RHBDL1: variants seen among roughly 807,000 people sequenced by gnomAD.
RHBDL1 encodes the protein rhomboid like 1.
Under a neutral mutation model 34.0 loss-of-function variants are expected in RHBDL1, and 21 were observed. The observed-to-expected ratio is 0.62, with a 90% CI of 0.44 to 0.89. RHBDL1 has a LOEUF of 0.89. Among genes scored for constraint, RHBDL1 ranks in the 40% least tolerant of loss-of-function variants. The pLI is 0.00. For missense variants in RHBDL1, 450 were observed against 530.6 expected (o/e 0.85, Z 1.49); for synonymous variants, 268 against 234.8 (o/e 1.14, Z -1.29).
chr16:677,240 C>T, intron 4 of RHBDL1, 36 bp from the exon 5 acceptor site: 2 of 1,554,432 alleles, frequency 1.3e-6, no homozygotes, highest in South Asian at 1.2e-5. Context: ...GATGGCTGAC[C>T]CCACCCTTCG....
chr16:676,198 A>G lies in RHBDL1; in HGVS notation c.40-138A>G. ...AGCTCCTGGGATCAAGCAGGGTCCCAGGGAACAGACAGGCACGGGGCCCCT... is the reference window on the plus strand; with the variant it reads ...AGCTCCTGGGATCAAGCAGGGTCCCGGGGAACAGACAGGCACGGGGCCCCT... On this transcript the variant is annotated intron_variant, in intron 1 of 7. Coordinates refer to ENST00000352681, the MANE Select transcript of RHBDL1 (RefSeq NM_001278720.2). This position sits in a 1 kb window ranked among gnomAD's most constrained non-coding sequence, Gnocchi z 6.9. 2 of 1,524,972 alleles carry G rather than the reference A, an allele frequency of 1.3e-6. No homozygotes were observed. The highest frequency in any genetic ancestry group is 1.8e-6 in the Non-Finnish European group (2 of 1,132,920). 94.5% of individuals were successfully genotyped at this position (1,524,972 alleles called of 1,614,324 possible).
At position 676,154 on chromosome 16, in the gene RHBDL1, C is replaced by A; in HGVS notation, c.40-182C>A. On this transcript the variant is annotated intron_variant, in intron 1 of 7. Coordinates refer to ENST00000352681, the MANE Select transcript of RHBDL1 (RefSeq NM_001278720.2). This position sits in a 1 kb window ranked among gnomAD's most constrained non-coding sequence, Gnocchi z 6.9. ...ACTGAGGAGCTGGAGGACTGGGACC[C>A]AGGCACCAGTGCCCTGCCAGCTCCT... 6.8e-7 allele frequency: 1 copy of A among 1,473,380 alleles called. No homozygotes were observed. Among genetic ancestry groups the A allele is most frequent in the Non-Finnish European group, 9.0e-7 (1 of 1,109,040 alleles). The allele number at this position is 1,473,380 out of a possible 1,614,324, so 91.3% of individuals were successfully genotyped here. A position where few individuals can be genotyped will look rare whatever the true frequency, so the allele number is the denominator to read the frequency against.
rs1306819921 is a variant in RHBDL1 at position 675,745 on chromosome 16, C to CCGGCCG, written c.-38_-33dup. ...GGAGTCGTCCGCAGAGCAGCCCCTC[C>CCGGCCG]CGGCCGCGGCCGCCGACCCCGGACC... On this transcript the variant is annotated 5_prime_UTR_variant, in exon 1 of 8. Coordinates refer to ENST00000352681, the MANE Select transcript of RHBDL1 (RefSeq NM_001278720.2). 5.2e-6 allele frequency: 7 copies of CCGGCCG among 1,342,192 alleles called. No individual in the cohort carries two copies. Among genetic ancestry groups the CCGGCCG allele is most frequent in the African/African-American group, 1.5e-5 (1 of 65,882 alleles). The allele number at this position is 1,342,192 out of a possible 1,614,324, so 83.1% of individuals were successfully genotyped here.
rs1262272590 is a variant in RHBDL1, at chr16:676,047, AGGGAGGGAGGGC to A, written c.39+222_39+233del. 211 of 595,928 alleles carry A rather than the reference AGGGAGGGAGGGC, an allele frequency of 3.5e-4. No homozygotes were observed. The highest frequency in any genetic ancestry group is 4.5e-4 in the Non-Finnish European group (205 of 457,086). The allele number at this position is 595,928 out of a possible 1,614,324, so 36.9% of individuals were successfully genotyped here. A position where few individuals can be genotyped will look rare whatever the true frequency, so the allele number is the denominator to read the frequency against. ...GAGAGTCGGGGGGAGGGAGGGAGGG[AGGGAGGGAGGGC>A]GGGCAGCTGGCTGGTCTTGGACCTT... On this transcript the variant is annotated intron_variant, in intron 1 of 7. Coordinates refer to ENST00000352681, the MANE Select transcript of RHBDL1 (RefSeq NM_001278720.2). The surrounding 1 kb of genome is among the most constrained non-coding windows in gnomAD (Gnocchi z 6.9).
rs372353908 is a variant in RHBDL1 at position 676,286 on chromosome 16, C to G, written c.40-50C>G. 9.5e-6 allele frequency: 15 copies of G among 1,585,576 alleles called. No individual in the cohort carries two copies. Among genetic ancestry groups the G allele is most frequent in the Non-Finnish European group, 1.3e-5 (15 of 1,166,560 alleles). ...AGCCAGCCTGGCCCAGCCCTTTGGT[C>G]CAGGGGTCGGGCCCGCACTCAGGCC... On this transcript the variant is annotated intron_variant, in intron 1 of 7. Transcript: ENST00000352681. The surrounding 1 kb of genome is among the most constrained non-coding windows in gnomAD (Gnocchi z 6.9).
Position 678,235 on chromosome 16 carries a change from C to A in RHBDL1, c.*183C>A. 1 of 1,367,812 alleles carries A rather than the reference C, an allele frequency of 7.3e-7. No individual in the cohort carries two copies. Among genetic ancestry groups the A allele is most frequent in the Non-Finnish European group, 9.4e-7 (1 of 1,067,478 alleles). 84.7% of individuals were successfully genotyped at this position (1,367,812 alleles called of 1,614,324 possible). Reference sequence around the variant, plus strand: ...CACTCCCAGGACTTGCGGTCTGAGCCTTTTTGGATAATTAATAAATATTTT... The same window carrying A: ...CACTCCCAGGACTTGCGGTCTGAGCATTTTTGGATAATTAATAAATATTTT... On this transcript the variant is annotated 3_prime_UTR_variant, in exon 8 of 8. Transcript: ENST00000352681.
At position 677,341 on chromosome 16, in the gene RHBDL1, A is replaced by T. The variant is rs1220879257; in HGVS notation, c.641A>T (p.His214Leu). ...LMIGVPLEMVHGLLRISLLYL... is the reference protein window; with the variant it reads ...LMIGVPLEMVLGLLRISLLYL... ...ATCGGGGTGCCCCTGGAGATGGTGC[A>T]CGGCCTGCTCCGCATCAGCCTGCTC... The change falls in exon 5 of 8, where the codon CAC (histidine) becomes CTC (leucine). Residue 214 changes from histidine to leucine, a missense_variant. By Grantham distance (99) the His-to-Leu change is moderately conservative (BLOSUM62 -3). Transcript: ENST00000352681. The T allele has an allele frequency of 1.3e-6, 2 of 1,576,138 alleles. No individual in the cohort carries two copies. Among genetic ancestry groups the T allele is most frequent in the Admixed American group, 3.7e-5 (2 of 54,478 alleles).
At position 676,151 on chromosome 16, in the gene RHBDL1, A is replaced by C. The variant is rs1567274810; in HGVS notation, c.40-185A>C. 5.4e-6 allele frequency: 8 copies of C among 1,471,062 alleles called. No individual in the cohort carries two copies. The highest frequency in any genetic ancestry group is 7.2e-6 in the Non-Finnish European group (8 of 1,107,836). The allele number at this position is 1,471,062 out of a possible 1,614,324, so 91.1% of individuals were successfully genotyped here. A position where few individuals can be genotyped will look rare whatever the true frequency, so the allele number is the denominator to read the frequency against. On this transcript the variant is annotated intron_variant, in intron 1 of 7. Coordinates refer to ENST00000352681, the MANE Select transcript of RHBDL1 (RefSeq NM_001278720.2). The surrounding 1 kb of genome is among the most constrained non-coding windows in gnomAD (Gnocchi z 6.9). ...ACAACTGAGGAGCTGGAGGACTGGGACCCAGGCACCAGTGCCCTGCCAGCT... is the reference window on the plus strand; with the variant it reads ...ACAACTGAGGAGCTGGAGGACTGGGCCCCAGGCACCAGTGCCCTGCCAGCT...
intron 4 of RHBDL1, 63 bp from the exon 5 acceptor site, chr16:677,213 G>C (rs578108915): frequency 2.6e-6 from 4 of 1,560,802 alleles, no homozygotes; most frequent in South Asian, 2.3e-5. Flanking sequence ...TTGAGGTGAC[G>C]GCTGGGGGTG....
In RHBDL1 at chr16:677,901, T is replaced by C; in HGVS notation, c.971T>C (p.Leu324Pro). 6.2e-7 allele frequency: 1 copy of C among 1,601,992 alleles called. No individual in the cohort carries two copies. Among genetic ancestry groups the C allele is most frequent in the African/African-American group, 1.3e-5 (1 of 75,028 alleles). ...GCGGTGGTGGGGGTGAGCATGGGCC[T>C]GACCATCCTGCGGAGCTACGAGGAG... ...AGAVVGVSMG[L>P]TILRSYEERL... Residue 324 changes from leucine (L) to proline (P), a missense_variant, in exon 8 of 8, where the codon CTG becomes CCG. Coordinates refer to ENST00000352681, the MANE Select transcript of RHBDL1 (RefSeq NM_001278720.2).
At chr16:677,436 T>A (rs745690443) in intron 5 of RHBDL1, 23 bp from the exon 6 acceptor site, 1 of 1,585,698 alleles carries the variant, frequency 6.3e-7, no homozygotes, top group Non-Finnish European at 8.6e-7. Context: ...GGCTGCACCC[T>A]CACCCGCCGC....
In RHBDL1 at chr16:676,393, C is replaced by T; in HGVS notation, c.97C>T (p.His33Tyr). ...IGADTFTGLV[H>Y]SHELPLDPAK... ...TGCGGACACCTTCACTGGCCTGGTG[C>T]ACAGCCATGAGCTGCCCCTGGACCC... Residue 33 changes from histidine to tyrosine, a missense_variant, in exon 2 of 8, where the codon CAC becomes TAC. By Grantham distance (83) the His-to-Tyr change is moderately conservative. Transcript: ENST00000352681. The surrounding 1 kb of genome is among the most constrained non-coding windows in gnomAD (Gnocchi z 6.9). The T allele has an allele frequency of 6.2e-7, 1 of 1,609,282 alleles. No homozygotes were observed. The highest frequency in any genetic ancestry group is 8.5e-7 in the Non-Finnish European group (1 of 1,178,910).
Position 677,432 on chromosome 16 carries a change from ACCCTCACCCGCCGCTTGCT to A in RHBDL1, c.689-25_689-7del. The A allele has an allele frequency of 6.3e-7, 1 of 1,578,988 alleles. No homozygotes were observed. The highest frequency in any genetic ancestry group is 1.1e-5 in the South Asian group (1 of 87,702). The stretch of plus-strand genomic sequence containing the variant: ...CCCGCCCCCTGCCCTGGCCGGCTGC[ACCCTCACCCGCCGCTTGCT>A]CACACAGGCTCCCTAACCGTCTCCA... On this transcript the variant is annotated splice_region_variant and splice_polypyrimidine_tract_variant and intron_variant, in intron 5 of 7. Transcript: ENST00000352681.
At position 676,130 on chromosome 16, in the gene RHBDL1, C is replaced by A. The variant is rs567134901; in HGVS notation, c.40-206C>A. On this transcript the variant is annotated intron_variant, in intron 1 of 7. Transcript: ENST00000352681. The surrounding 1 kb of genome is among the most constrained non-coding windows in gnomAD (Gnocchi z 6.9). ...GGTAGGGTGGAAGACGGGGGAACAA[C>A]TGAGGAGCTGGAGGACTGGGACCCA... 5 of 1,462,346 alleles carry A rather than the reference C, an allele frequency of 3.4e-6. No individual in the cohort carries two copies. The highest frequency in any genetic ancestry group is 3.6e-6 in the Non-Finnish European group (4 of 1,103,432). The allele number at this position is 1,462,346 out of a possible 1,614,324, so 90.6% of individuals were successfully genotyped here.
chr16:677,410 G>A (rs754264271), intron 5 of RHBDL1, 22 bp downstream of exon 5: 18 of 1,567,706 alleles, frequency 1.1e-5, no homozygotes, highest in African/African-American at 1.4e-5. Flanking sequence ...GCGCACCCCC[G>A]CCCCCTGCCC....
In RHBDL1 at chr16:677,130, C is replaced by G; in HGVS notation, c.575+11C>G. The G allele has an allele frequency of 2.5e-6, 4 of 1,599,772 alleles. No individual in the cohort carries two copies. Among genetic ancestry groups the G allele is most frequent in the Non-Finnish European group, 3.4e-6 (4 of 1,170,326 alleles). ...GTTCATGCACGTTGGGTGAGTAGCA[C>G]TGCTGCCCGGTGAGCCCCGCCCCAA... is the stretch of plus-strand genomic sequence containing the variant. On this transcript the variant is annotated intron_variant, in intron 4 of 7. Coordinates refer to ENST00000352681, the MANE Select transcript of RHBDL1 (RefSeq NM_001278720.2).
Position 678,046 on chromosome 16 carries a change from G to A in RHBDL1, c.1116G>A (p.Pro372=), listed in dbSNP as rs150844208. The stretch of plus-strand genomic sequence containing the variant: ...TGCTGGGCGCCCACATCCCCCCACC[G>A]CCCTGACCGGCTACCTGAGGCTGCA... The part of the protein sequence containing the change: ...YDLLGAHIPP[P]P The change falls in exon 8 of 8, where the codon CCG becomes CCA. Residue 372 remains proline (P), a synonymous_variant. Transcript: ENST00000352681. The A allele has an allele frequency of 3.0e-4, 464 of 1,560,646 alleles. No homozygotes were observed. The highest frequency in any genetic ancestry group is 1.4e-3 in the Admixed American group (79 of 57,090).
chr16:676,301 G>A lies in RHBDL1; in HGVS notation c.40-35G>A, dbSNP rs139776304. On this transcript the variant is annotated intron_variant, in intron 1 of 7. Coordinates refer to ENST00000352681, the MANE Select transcript of RHBDL1 (RefSeq NM_001278720.2). This position sits in a 1 kb window ranked among gnomAD's most constrained non-coding sequence, Gnocchi z 6.9. ...GCCCTTTGGTCCAGGGGTCGGGCCC[G>A]CACTCAGGCCTTGGCTGGCGGCTCC... 5,761 of 1,600,254 alleles carry A rather than the reference G, an allele frequency of 3.6e-3. 14 individuals carry two copies. The highest frequency in any genetic ancestry group is 4.4e-3 in the Non-Finnish European group (5,116 of 1,174,224).
chr16:676,136 A>G lies in RHBDL1; in HGVS notation c.40-200A>G. 2.1e-6 allele frequency: 3 copies of G among 1,462,478 alleles called. No individual in the cohort carries two copies. Among genetic ancestry groups the G allele is most frequent in the East Asian group, 2.5e-5 (1 of 39,808 alleles). The allele number at this position is 1,462,478 out of a possible 1,614,324, so 90.6% of individuals were successfully genotyped here. A position where few individuals can be genotyped will look rare whatever the true frequency, so the allele number is the denominator to read the frequency against. On this transcript the variant is annotated intron_variant, in intron 1 of 7. Coordinates refer to ENST00000352681, the MANE Select transcript of RHBDL1 (RefSeq NM_001278720.2). The surrounding 1 kb of genome is among the most constrained non-coding windows in gnomAD (Gnocchi z 6.9). ...GTGGAAGACGGGGGAACAACTGAGG[A>G]GCTGGAGGACTGGGACCCAGGCACC...
Sources: gnomAD v4.1 joint callset for allele counts on GRCh38, gnomAD v4.1.1 for gene constraint, Gnocchi (gnomAD v3.1) non-coding constraint, MANE v1.5 for transcripts, NCBI Gene and HGNC (gene_info 2026-07-23, HGNC 2026-07-21) for gene names.